Variants in SPRY3 observed in about 807,000 individuals in gnomAD.
SPRY3 encodes the protein protein sprouty homolog 3.
SPRY3 carries 15 observed loss-of-function variants against 20.2 expected under a neutral mutation model. The observed-to-expected ratio is 0.74, with a 90% CI of 0.50 to 1.14. The LOEUF (loss-of-function observed/expected upper bound fraction) is 1.14, where lower values mean the gene tolerates loss of function less well. SPRY3 is among the 50% of genes most tolerant of loss of function. The pLI is 0.00. For synonymous variants in SPRY3, 143 were observed against 136.5 expected (o/e 1.05, Z -0.33); for missense variants, 364 against 363.9 (o/e 1.00, Z 0.00).
rs151160333 is a variant in SPRY3 at position 155,752,428 on chromosome X, C to G, written c.-281-15534C>G. 9.2e-4 allele frequency among the ~76,000 whole-genome samples: 139 copies of G among 151,046 alleles called. 1 individual carries two copies. The highest frequency in any genetic ancestry group is 3.2e-3 in the African/African-American group (132 of 41,282). On this transcript the variant is annotated intron_variant, in intron 2 of 3. Coordinates refer to ENST00000675360, the Ensembl canonical transcript of SPRY3. ...ACTGCATAACAATTTAAAACATTTGCAAAGCATGGAGTATTATAAGTTAAT... is the reference window on the plus strand; with the variant it reads ...ACTGCATAACAATTTAAAACATTTGGAAAGCATGGAGTATTATAAGTTAAT...
intron 2 of SPRY3, among the ~76,000 whole-genome samples, chrX:155,746,658 T>TTGAG (rs2091228146): frequency 6.6e-6 from 1 of 151,976 alleles, no homozygotes; most frequent in African/African-American, 2.4e-5. Context: ...TTGGTTGTGT[T>TTGAG]TGAGTCTTAA....
chrX:155,714,496 C>T (rs1314941260), intron 2 of SPRY3, among the ~76,000 whole-genome samples: 1 of 152,104 alleles, frequency 6.6e-6, no homozygotes, highest in Non-Finnish European at 1.5e-5. Context: ...ATTCTTTTTC[C>T]TTACTTTCTC....
chrX:155,647,057 T>C (rs369476835), intron 1 of SPRY3, among the ~76,000 whole-genome samples: 1 of 111,856 alleles, frequency 8.9e-6, no homozygotes, highest in Non-Finnish European at 1.9e-5. Context: ...GATCGTATAT[T>C]TTTTTAATCC....
intron 1 of SPRY3, among the ~76,000 whole-genome samples, chrX:155,645,112 G>A (rs1020130110): frequency 4.5e-5 from 5 of 111,630 alleles, no homozygotes; most frequent in Admixed American, 9.5e-5. Flanking sequence ...CTGTCCCAGC[G>A]TTTGTCTAGA....
intron 2 of SPRY3, among the ~76,000 whole-genome samples, chrX:155,740,593 G>T (rs1013958665): frequency 6.6e-6 from 1 of 152,042 alleles, no homozygotes; most frequent in South Asian, 2.1e-4. Context: ...GGCTTACTAC[G>T]GTGGGGAAAA....
rs184894525 is a variant in SPRY3, at chrX:155,698,006, A to C, written c.-282+40981A>C. Among the ~76,000 whole-genome samples, 8 of 111,372 alleles carry C rather than the reference A, an allele frequency of 7.2e-5. No homozygotes were observed. The East Asian group carries it at 2.3e-3, about 32-fold the overall frequency. ...ATCATATATCAAGAAGTTTCTAAGT[A>C]GGTTGCTTCATGGGTTTGTTTAGCA... On this transcript the variant is annotated intron_variant, in intron 2 of 3. Coordinates refer to ENST00000675360, the Ensembl canonical transcript of SPRY3.
intron 1 of SPRY3, among the ~76,000 whole-genome samples, chrX:155,652,450 T>C (rs1252960827): frequency 5.4e-5 from 6 of 111,275 alleles, no homozygotes; most frequent in African/African-American, 2.0e-4. Context: ...TCTATCTCCA[T>C]GAATTCAGTC....
intron 2 of SPRY3, among the ~76,000 whole-genome samples, chrX:155,736,711 G>A (rs969075146): frequency 1.3e-5 from 2 of 151,900 alleles, no homozygotes; most frequent in South Asian, 2.1e-4. Context: ...TATTCACTGA[G>A]CTTCTTTGCA....
chrX:155,725,560 G>T (rs1569387499), intron 2 of SPRY3, among the ~76,000 whole-genome samples: 1 of 152,192 alleles, frequency 6.6e-6, no homozygotes, highest in African/African-American at 2.4e-5. Context: ...GGGTGTATGT[G>T]TCAAGGAATT....
intron 3 of SPRY3, among the ~76,000 whole-genome samples, chrX:155,769,574 C>G (rs1352518295): frequency 6.6e-6 from 1 of 152,102 alleles, no homozygotes; most frequent in Non-Finnish European, 1.5e-5. Flanking sequence ...AGATGAACAA[C>G]CAGCTTCTTC....
At chrX:155,780,625 T>C (rs962552597), downstream of SPRY3, 1 of 166,970 alleles carries the variant, frequency 6.0e-6, no homozygotes, top group African/African-American at 2.4e-5. Flanking sequence ...TAGAAAATCA[T>C]GTGTCCTTGG....
In SPRY3 at chrX:155,658,588, G is replaced by C. The variant is rs782230957; in HGVS notation, c.-282+1563G>C. On this transcript the variant is annotated intron_variant, in intron 2 of 3. Coordinates refer to ENST00000675360, the Ensembl canonical transcript of SPRY3. ...TTAAATCTAGGAGTCTCTTGAAAGA[G>C]TCTTTAGTGTTTTCTAGGTATGAGA... is the stretch of plus-strand genomic sequence containing the variant. 1.3e-4 allele frequency among the ~76,000 whole-genome samples: 14 copies of C among 111,809 alleles called. No homozygotes were observed. The East Asian group carries it at 3.7e-3, about 29-fold the overall frequency.
intron 2 of SPRY3, among the ~76,000 whole-genome samples, chrX:155,710,019 T>G (rs1334256075): frequency 2.6e-5 from 4 of 151,776 alleles, no homozygotes; most frequent in Non-Finnish European, 5.9e-5. Flanking sequence ...CATTGGCCTA[T>G]GTGTATATTC....
chrX:155,754,833 C>T (rs1383970520), intron 2 of SPRY3, among the ~76,000 whole-genome samples: 2 of 151,630 alleles, frequency 1.3e-5, no homozygotes, highest in East Asian at 3.9e-4. Flanking sequence ...TTATTTTATT[C>T]TTTTAGATGC....
At chrX:155,705,495 G>C (rs914910414) in intron 2 of SPRY3, among the ~76,000 whole-genome samples, 1 of 151,286 alleles carries the variant, frequency 6.6e-6, no homozygotes, top group African/African-American at 2.4e-5. Flanking sequence ...GAAAATGGTA[G>C]ATTTTAATCC....
chrX:155,763,927 G>A (rs2091314232), intron 2 of SPRY3, among the ~76,000 whole-genome samples: 1 of 151,746 alleles, frequency 6.6e-6, no homozygotes, highest in Non-Finnish European at 1.5e-5. Flanking sequence ...TTACTACAAA[G>A]CATGGAAAGG....
intron 2 of SPRY3, among the ~76,000 whole-genome samples, chrX:155,692,999 C>T (rs1385846634): frequency 2.7e-5 from 3 of 109,505 alleles, no homozygotes; most frequent in Admixed American, 9.8e-5. Flanking sequence ...TCTTCTATTT[C>T]ATTGTTTTTT....
At chrX:155,613,180 C>G (rs782708304) in intron 1 of SPRY3, among the ~76,000 whole-genome samples, 1 of 112,213 alleles carries the variant, frequency 8.9e-6, no homozygotes, top group Non-Finnish European at 1.9e-5. Flanking sequence ...GTGCTCCTCC[C>G]GAGTCCTCCC....
intron 3 of SPRY3, among the ~76,000 whole-genome samples, chrX:155,771,960 T>C (rs2091384253): frequency 6.6e-6 from 1 of 152,166 alleles, no homozygotes; most frequent in Admixed American, 6.5e-5. Flanking sequence ...TCAAGGTCCT[T>C]CAAGATCACC....
Sources: allele counts gnomAD v4.1 joint callset (sites outside exome capture counted in the v4.1 genomes callset), GRCh38; gene constraint gnomAD v4.1.1; transcripts MANE v1.5; gene names NCBI Gene and HGNC (gene_info 2026-07-23, HGNC 2026-07-21).